The following ADAMTS3 variants were observed in gnomAD, a reference collection of about 807,000 sequenced individuals.
ADAMTS3 encodes ADAM metallopeptidase with thrombospondin type 1 motif 3, also known as A disintegrin and metalloproteinase with thrombospondin motifs 3.
Under a neutral mutation model 129.0 loss-of-function variants are expected in ADAMTS3, and 73 were observed. The ratio of observed to expected loss-of-function variants is 0.57; its 90% confidence interval spans 0.47 to 0.69. The LOEUF (loss-of-function observed/expected upper bound fraction) is 0.69. Ranked by LOEUF, ADAMTS3 falls within the 30% of genes least tolerant of loss-of-function variation. The probability of loss-of-function intolerance (pLI) is 0.00; values close to 1 mark genes in which losing one functional copy is unlikely to be tolerated. For missense variants in ADAMTS3, 1,457 were observed against 1,514.5 expected (o/e 0.96, Z 0.63); for synonymous variants, 477 against 510.8 (o/e 0.93, Z 0.89).
At chr4:72,551,766 A>G (rs1277976675) in intron 2 of ADAMTS3, among the ~76,000 whole-genome samples, 1 of 152,182 alleles carries the variant, frequency 6.6e-6, no homozygotes, top group African/African-American at 2.4e-5. Flanking sequence ...ATAAGCAAAG[A>G]GCCAAAGGAA....
In ADAMTS3 at chr4:72,518,849, T is replaced by C. The variant is rs529114469; in HGVS notation, c.504+29629A>G. The stretch of plus-strand genomic sequence containing the variant: ...TTAGTCCATTTACATTTAAAGTTAA[T>C]ATTGTTATGTGTGAATTTGATCCTG... On this transcript the variant is annotated intron_variant, in intron 3 of 21. Coordinates refer to ENST00000286657, the MANE Select transcript of ADAMTS3 (RefSeq NM_014243.3). Among the ~76,000 whole-genome samples the C allele has an allele frequency of 3.4e-3, 517 of 151,858 alleles. 6 individuals are homozygous for C. Among genetic ancestry groups the C allele is most frequent in the East Asian group, 0.027 (137 of 5,166 alleles).
At chr4:72,409,505 A>AT (rs1373438881) in intron 4 of ADAMTS3, among the ~76,000 whole-genome samples, 3 of 152,224 alleles carry the variant, frequency 2.0e-5, no homozygotes, top group Non-Finnish European at 4.4e-5. Flanking sequence ...CTAAATAGTA[A>AT]TCCTGAGCTC....
Position 72,354,448 on chromosome 4 carries a change from C to A in ADAMTS3, c.662-14755G>T, listed in dbSNP as rs548960490. ...TTTATTGATTCAGTTTTTAACCCTA[C>A]TTTTCATTCCTCTCCACTCTGAGTT... On this transcript the variant is annotated intron_variant, in intron 4 of 21. Transcript: ENST00000286657. Among the ~76,000 whole-genome samples, 52 of 152,064 alleles carry A rather than the reference C, an allele frequency of 3.4e-4. No homozygotes were observed. The South Asian group carries it at 0.01, about 30-fold the overall frequency.
chr4:72,418,651 T>TG (rs1442477786), intron 3 of ADAMTS3, among the ~76,000 whole-genome samples: 2 of 152,232 alleles, frequency 1.3e-5, no homozygotes, highest in African/African-American at 4.8e-5. Context: ...TACAGTTGCA[T>TG]GGCTCACAGC....
chr4:72,551,726 G>A (rs956447831), intron 2 of ADAMTS3, among the ~76,000 whole-genome samples: 4 of 152,068 alleles, frequency 2.6e-5, no homozygotes, highest in South Asian at 2.1e-4. Context: ...TTCTATAAAC[G>A]AGAAAGCAGA....
chr4:72,284,901 A>T (rs1718461036), intron 21 of ADAMTS3, among the ~76,000 whole-genome samples: 1 of 152,240 alleles, frequency 6.6e-6, no homozygotes, highest in Non-Finnish European at 1.5e-5. Context: ...AAATAAAGAC[A>T]TATCCTGTGC....
At chr4:72,305,216 G>A (rs529248756) in intron 16 of ADAMTS3, among the ~76,000 whole-genome samples, 5 of 151,792 alleles carry the variant, frequency 3.3e-5, no homozygotes, top group South Asian at 2.1e-4. Context: ...CCATGTAATC[G>A]TCTCATAAAA....
intron 3 of ADAMTS3, among the ~76,000 whole-genome samples, chr4:72,468,030 T>A (rs1161629320): frequency 6.6e-6 from 1 of 152,132 alleles, no homozygotes; most frequent in Non-Finnish European, 1.5e-5. Context: ...GCAGCCACAC[T>A]TTCTCAAAAT....
chr4:72,387,272 T>G (rs1016846295), intron 4 of ADAMTS3, among the ~76,000 whole-genome samples: 1 of 152,192 alleles, frequency 6.6e-6, no homozygotes, highest in Non-Finnish European at 1.5e-5. Flanking sequence ...CTGTTATCAG[T>G]CACATTTTAC....
intron 3 of ADAMTS3, among the ~76,000 whole-genome samples, chr4:72,539,238 G>A (rs151318057): frequency 7.3e-4 from 111 of 152,054 alleles, no homozygotes; most frequent in Non-Finnish European, 1.3e-3. Flanking sequence ...CAGAATGGAA[G>A]AGAACACTTG....
chr4:72,407,690 TA>T (rs1722083596), intron 4 of ADAMTS3, among the ~76,000 whole-genome samples: 1 of 152,160 alleles, frequency 6.6e-6, no homozygotes, highest in African/African-American at 2.4e-5. Context: ...AGATGTTTGA[TA>T]TTATCAGAGC....
rs1324453615 is a variant in ADAMTS3 at position 72,436,162 on chromosome 4, AAATCAAAC to A, written c.505-21199_505-21192del. ...GAACTTAAACAAATTTACAAGAAAA[AAATCAAAC>A]AACCGCATCAAAAAGTGGGCAAAGG... On this transcript the variant is annotated intron_variant, in intron 3 of 21. Coordinates refer to ENST00000286657, the MANE Select transcript of ADAMTS3 (RefSeq NM_014243.3). Among the ~76,000 whole-genome samples the A allele has an allele frequency of 2.9e-4, 5 of 17,376 alleles. 1 individual carries two copies. The Admixed American group carries it at 5.3e-3, about 18-fold the overall frequency. The allele number at this position is 17,376 out of a possible 152,430, so 11.4% of individuals were successfully genotyped here.
rs16847905 is a variant in ADAMTS3 at position 72,425,123 on chromosome 4, T to C, written c.505-10152A>G. On this transcript the variant is annotated intron_variant, in intron 3 of 21. Coordinates refer to ENST00000286657, the MANE Select transcript of ADAMTS3 (RefSeq NM_014243.3). ...TTTGTGAATTATGGGATTAAATGTA[T>C]TAGCAATGCTTGGCATTATCCAATA... Among the ~76,000 whole-genome samples the C allele has an allele frequency of 3.9e-4, 60 of 152,260 alleles. No homozygotes were observed. In the East Asian group the frequency reaches 8.9e-3, roughly 23 times the overall value.
At chr4:72,490,814 G>C (rs2110014522) in intron 3 of ADAMTS3, among the ~76,000 whole-genome samples, 1 of 151,918 alleles carries the variant, frequency 6.6e-6, no homozygotes, top group Middle Eastern at 3.4e-3. Context: ...TGGCTACTCA[G>C]GGTCTTTTGT....
Position 72,283,657 on chromosome 4 carries a change from A to G in ADAMTS3, c.3097T>C (p.Leu1033=). The change falls in exon 22 of 22, where the codon TTG becomes CTG. Residue 1033 remains leucine, a synonymous_variant. Coordinates refer to ENST00000286657, the MANE Select transcript of ADAMTS3 (RefSeq NM_014243.3). ...DKSIFCQMEV[L]ARYCSIPGYN... ...CCTGGTATGGAGCAGTATCGTGCCAACACTTCCATTTGACAGAATATGGAC... is the reference window on the plus strand; with the variant it reads ...CCTGGTATGGAGCAGTATCGTGCCAGCACTTCCATTTGACAGAATATGGAC... 2 of 1,611,274 alleles carry G rather than the reference A, an allele frequency of 1.2e-6. No individual in the cohort carries two copies. Among genetic ancestry groups the G allele is most frequent in the Non-Finnish European group, 1.7e-6 (2 of 1,178,424 alleles).
At chr4:72,497,884 A>G (rs1392232100) in intron 3 of ADAMTS3, among the ~76,000 whole-genome samples, 1 of 152,116 alleles carries the variant, frequency 6.6e-6, no homozygotes, top group African/African-American at 2.4e-5. Context: ...AAGATAAGTC[A>G]GTTATCTGTG....
chr4:72,332,261 A>G (rs1719870876), intron 5 of ADAMTS3, among the ~76,000 whole-genome samples: 1 of 152,232 alleles, frequency 6.6e-6, no homozygotes, highest in Admixed American at 6.5e-5. Context: ...TATTGATATA[A>G]CCATCGTTAA....
At chr4:72,295,592 A>G in intron 19 of ADAMTS3, 62 bp downstream of exon 19, 2 of 1,526,618 alleles carry the variant, frequency 1.3e-6, no homozygotes, top group Non-Finnish European at 1.8e-6. Context: ...AACTAAAAAG[A>G]GCTAAAGGCA....
intron 5 of ADAMTS3, among the ~76,000 whole-genome samples, chr4:72,333,615 C>A: frequency 6.6e-6 from 1 of 152,008 alleles, no homozygotes; most frequent in Non-Finnish European, 1.5e-5. Context: ...TTATTTTGTA[C>A]TTAATACTGC....
Sources: gnomAD v4.1 joint callset for allele counts (sites outside exome capture counted in the v4.1 genomes callset) on GRCh38, gnomAD v4.1.1 for gene constraint, MANE v1.5 for transcripts, NCBI Gene and HGNC (gene_info 2026-07-23, HGNC 2026-07-21) for gene names.